The following RBM23 variants were observed in gnomAD, a reference collection of about 807,000 sequenced individuals.
The protein encoded by RBM23 is probable RNA-binding protein 23.
Under a neutral mutation model 56.2 loss-of-function variants are expected in RBM23, and 53 were observed. The observed-to-expected ratio is 0.94, with a 90% CI of 0.76 to 1.19. RBM23 has a LOEUF of 1.19. Among genes scored for constraint, RBM23 ranks in the 50% most tolerant of loss-of-function variants. RBM23 has a pLI of 0.00. For synonymous variants in RBM23, 197 were observed against 198.5 expected (o/e 0.99, Z 0.06); for missense variants, 642 against 590.3 (o/e 1.09, Z -0.91).
In RBM23 at chr14:22,918,997, AC is replaced by A. The variant is rs1250099766; in HGVS notation, c.-11+1del. 2 of 152,052 alleles carry A rather than the reference AC, an allele frequency of 1.3e-5. No homozygotes were observed. The highest frequency in any genetic ancestry group is 2.9e-5 in the Non-Finnish European group (2 of 68,010). The allele number at this position is 152,052 out of a possible 1,614,324, so 9.4% of individuals were successfully genotyped here. A position where few individuals can be genotyped will look rare whatever the true frequency, so the allele number is the denominator to read the frequency against. On this transcript the variant is annotated splice_donor_variant, in intron 1 of 13. Coordinates refer to ENST00000359890, the MANE Select transcript of RBM23 (RefSeq NM_001077351.2). LOFTEE classifies it low-confidence loss of function (5UTR_SPLICE). The stretch of plus-strand genomic sequence containing the variant: ...TGGGGACCGGGTTTTGGGGTTTCTC[AC>A]CAGTTCCGGGTCCCCGCAGGGGGGT...
chr14:22,911,082 A>G (rs528857129), intron 2 of RBM23, among the ~76,000 whole-genome samples: 2 of 152,302 alleles, frequency 1.3e-5, no homozygotes, highest in Admixed American at 6.5e-5. Flanking sequence ...TCGAGTTTTG[A>G]GCAAAGCACA....
chr14:22,909,650 T>A, intron 2 of RBM23, 55 bp from the exon 3 acceptor site: 1 of 1,354,684 alleles, frequency 7.4e-7, no homozygotes, highest in Non-Finnish European at 1.1e-6. Flanking sequence ...ACACACAGAT[T>A]CCAATGGGCA....
At chr14:22,907,780 T>C (rs1296561453) in intron 4 of RBM23, among the ~76,000 whole-genome samples, 2 of 152,192 alleles carry the variant, frequency 1.3e-5, no homozygotes, top group Non-Finnish European at 2.9e-5. Flanking sequence ...AGTACAACTC[T>C]ATGTGTATTA....
Position 22,903,429 on chromosome 14 carries a change from T to C in RBM23, c.930+832A>G, listed in dbSNP as rs539030835. 21 of 985,480 alleles carry C rather than the reference T, an allele frequency of 2.1e-5. No individual in the cohort carries two copies. In the African/African-American group the frequency reaches 3.3e-4, roughly 16 times the overall value. The allele number at this position is 985,480 out of a possible 1,614,324, so 61.0% of individuals were successfully genotyped here. A position where few individuals can be genotyped will look rare whatever the true frequency, so the allele number is the denominator to read the frequency against. On this transcript the variant is annotated intron_variant, in intron 10 of 13. Coordinates refer to ENST00000359890, the MANE Select transcript of RBM23 (RefSeq NM_001077351.2). ...ACAAAAGTTACTTGCCACCACAGAA[T>C]TGTCAACACCACAGCTAGCTTGTTT...
At chr14:22,910,295 A>T (rs1468220640) in intron 2 of RBM23, among the ~76,000 whole-genome samples, 2 of 149,302 alleles carry the variant, frequency 1.3e-5, no homozygotes, top group African/African-American at 2.5e-5. Context: ...AACCATCTCC[A>T]CTAAAAAGAC....
rs978704289 is a variant in RBM23, at chr14:22,899,239, G to A, written c.*2491C>T. ...CACACAGCAGGTTATCATGAGAGAG[G>A]GCTGTTATAAAGCAAGTTTGGCCCA... On this transcript the variant is annotated 3_prime_UTR_variant, in exon 14 of 14. Coordinates refer to ENST00000359890, the MANE Select transcript of RBM23 (RefSeq NM_001077351.2). 4 of 152,132 alleles carry A rather than the reference G, an allele frequency of 2.6e-5. No homozygotes were observed. Among genetic ancestry groups the A allele is most frequent in the African/African-American group, 4.8e-5 (2 of 41,426 alleles). The allele number at this position is 152,132 out of a possible 1,614,324, so 9.4% of individuals were successfully genotyped here.
Position 22,902,998 on chromosome 14 carries a change from T to C in RBM23, c.931-616A>G, listed in dbSNP as rs570979324. 1,070 of 842,198 alleles carry C rather than the reference T, an allele frequency of 1.3e-3. 1 individual carries two copies. The highest frequency in any genetic ancestry group is 1.5e-3 in the Non-Finnish European group (1,044 of 699,328). 52.2% of individuals were successfully genotyped at this position (842,198 alleles called of 1,614,324 possible). A position where few individuals can be genotyped will look rare whatever the true frequency, so the allele number is the denominator to read the frequency against. On this transcript the variant is annotated intron_variant, in intron 10 of 13. Transcript: ENST00000359890. ...GGTTTCACCACGTTGGTCAGGCTGGTCTCGAACTCCTGACCTCAGGCGATT... is the reference window on the plus strand; with the variant it reads ...GGTTTCACCACGTTGGTCAGGCTGGCCTCGAACTCCTGACCTCAGGCGATT...
In RBM23 at chr14:22,901,388, C is replaced by A; in HGVS notation, c.*342G>T. The A allele has an allele frequency of 2.3e-6, 1 of 442,402 alleles. No individual in the cohort carries two copies. Among genetic ancestry groups the A allele is most frequent in the Non-Finnish European group, 4.1e-6 (1 of 245,202 alleles). The allele number at this position is 442,402 out of a possible 1,614,324, so 27.4% of individuals were successfully genotyped here. A position where few individuals can be genotyped will look rare whatever the true frequency, so the allele number is the denominator to read the frequency against. ...AGAGAGGTCAGTTCCTTCAGTATGC[C>A]CTATGGCCTTCCCAATGGGGGAGAA... is the stretch of plus-strand genomic sequence containing the variant. On this transcript the variant is annotated 3_prime_UTR_variant, in exon 14 of 14. Transcript: ENST00000359890.
chr14:22,908,333 C>G lies in RBM23; in HGVS notation c.227G>C (p.Ser76Thr). 1 of 1,549,832 alleles carries G rather than the reference C, an allele frequency of 6.5e-7. No homozygotes were observed. The highest frequency in any genetic ancestry group is 1.2e-5 in the South Asian group (1 of 84,034). The change falls in exon 4 of 14, where the codon AGT (serine) becomes ACT (threonine). Residue 76 changes from serine (S) to threonine (T), a missense_variant and splice_region_variant. Ser to Thr is a moderately conservative substitution (Grantham distance 58). Transcript: ENST00000359890. ...CTGTGCCTGGCCCAGAATTACTGAC[C>G]TGCGCTTTCTATCCCTGCTTTTATT... ...SHNKSRDRKR[S>T]RSRDRDRYRR...
In RBM23 at chr14:22,901,648, A is replaced by C; in HGVS notation, c.*82T>G. 1 of 1,560,508 alleles carries C rather than the reference A, an allele frequency of 6.4e-7. No individual in the cohort carries two copies. The highest frequency in any genetic ancestry group is 8.8e-7 in the Non-Finnish European group (1 of 1,132,262). On this transcript the variant is annotated 3_prime_UTR_variant, in exon 14 of 14. Coordinates refer to ENST00000359890, the MANE Select transcript of RBM23 (RefSeq NM_001077351.2). ...CCCTCAGGATGGCTTGGTCCACAAA[A>C]TGGAGAAATGGGGCCATGGAAGAGT...
chr14:22,903,233 T>G (rs1200697994), intron 10 of RBM23: 1 of 985,252 alleles, frequency 1.0e-6, no homozygotes, highest in Non-Finnish European at 1.2e-6. Flanking sequence ...GCCTTTACTC[T>G]CTAGTCCCTT....
At position 22,900,599 on chromosome 14, in the gene RBM23, G is replaced by A. The variant is rs1030240295; in HGVS notation, c.*1131C>T. Reference sequence around the variant, plus strand: ...CAGAATGGGAACCCCACCCAGGTGTGAGTTTTCATTTTTCTTTCTAAAGGT... The same window carrying A: ...CAGAATGGGAACCCCACCCAGGTGTAAGTTTTCATTTTTCTTTCTAAAGGT... On this transcript the variant is annotated 3_prime_UTR_variant, in exon 14 of 14. Coordinates refer to ENST00000359890, the MANE Select transcript of RBM23 (RefSeq NM_001077351.2). 10 of 152,076 alleles carry A rather than the reference G, an allele frequency of 6.6e-5. No homozygotes were observed. The highest frequency in any genetic ancestry group is 2.2e-4 in the African/African-American group (9 of 41,384). 9.4% of individuals were successfully genotyped at this position (152,076 alleles called of 1,614,324 possible).
At chr14:22,912,723 C>G (rs1438855509) in intron 1 of RBM23, among the ~76,000 whole-genome samples, 1 of 152,128 alleles carries the variant, frequency 6.6e-6, no homozygotes, top group Non-Finnish European at 1.5e-5. Context: ...GGCGCGGTGG[C>G]TCATGCCTGT....
intron 5 of RBM23, 42 bp from the exon 6 acceptor site, chr14:22,905,701 T>A (rs570496414): frequency 2.7e-6 from 4 of 1,461,792 alleles, no homozygotes; most frequent in Non-Finnish European, 3.8e-6. Flanking sequence ...CTTATTCTCA[T>A]TGGTCCAATG....
intron 10 of RBM23, chr14:22,903,512 G>C: frequency 2.0e-6 from 2 of 986,246 alleles, no homozygotes; most frequent in Non-Finnish European, 2.4e-6. Flanking sequence ...ACAGTTCCTA[G>C]GCAGGTGTTA....
intron 4 of RBM23, among the ~76,000 whole-genome samples, chr14:22,906,606 G>C (rs1173952852): frequency 6.6e-6 from 1 of 152,222 alleles, no homozygotes; most frequent in East Asian, 1.9e-4. Flanking sequence ...ATCCAATTAT[G>C]TACAAAGTGA....
rs558389313 is a variant in RBM23 at position 22,909,979 on chromosome 14, C to T, written c.67-384G>A. ...ACCAGCCTCGCCGACATGTCGAAAC[C>T]CCATCTCTACTAAAAATACAAAAAT... On this transcript the variant is annotated intron_variant, in intron 2 of 13. Transcript: ENST00000359890. Among the ~76,000 whole-genome samples the T allele has an allele frequency of 5.3e-5, 8 of 151,274 alleles. No homozygotes were observed. The East Asian group carries it at 1.6e-3, about 29-fold the overall frequency.
At chr14:22,916,147 T>C (rs1041269694) in intron 1 of RBM23, among the ~76,000 whole-genome samples, 1 of 152,160 alleles carries the variant, frequency 6.6e-6, no homozygotes, top group African/African-American at 2.4e-5. Flanking sequence ...ACCCAGGAAG[T>C]TGAGGCTGCA....
rs574647000 is a variant in RBM23, at chr14:22,897,323, G to C, written c.*4407C>G. 2 of 152,256 alleles carry C rather than the reference G, an allele frequency of 1.3e-5. No individual in the cohort carries two copies. Among genetic ancestry groups the C allele is most frequent in the East Asian group, 3.9e-4 (2 of 5,188 alleles). The allele number at this position is 152,256 out of a possible 1,614,324, so 9.4% of individuals were successfully genotyped here. On this transcript the variant is annotated 3_prime_UTR_variant, in exon 14 of 14. Coordinates refer to ENST00000359890, the MANE Select transcript of RBM23 (RefSeq NM_001077351.2). The stretch of plus-strand genomic sequence containing the variant: ...TTATTTTATTTACTAAATAAAAGTA[G>C]AGTAAGATGACCCACAAGAGGACAA...
Sources: gnomAD v4.1 joint callset for allele counts (sites outside exome capture counted in the v4.1 genomes callset) on GRCh38, gnomAD v4.1.1 for gene constraint, MANE v1.5 for transcripts, NCBI Gene and HGNC (gene_info 2026-07-23, HGNC 2026-07-21) for gene names.